ENPP6: variants seen among roughly 807,000 people sequenced by gnomAD.
The protein encoded by ENPP6 is glycerophosphocholine cholinephosphodiesterase ENPP6.
A neutral mutation model predicts 42.0 loss-of-function variants in ENPP6; 32 were observed. The observed-to-expected ratio is 0.76, with a 90% CI of 0.58 to 1.02. ENPP6 has a LOEUF of 1.02. Among genes scored for constraint, ENPP6 ranks in the 50% least tolerant of loss-of-function variants. The pLI is 0.00. For synonymous variants in ENPP6, 213 were observed against 216.0 expected (o/e 0.99, Z 0.12); for missense variants, 552 against 566.8 (o/e 0.97, Z 0.27).
intron 1 of ENPP6, among the ~76,000 whole-genome samples, chr4:184,154,736 G>C (rs1339611820): frequency 6.6e-6 from 1 of 152,120 alleles, no homozygotes; most frequent in Non-Finnish European, 1.5e-5. Context: ...CTATGCTACT[G>C]TGCTCCCAGA....
chr4:184,129,106 G>C (rs1736551695), intron 2 of ENPP6, among the ~76,000 whole-genome samples: 1 of 152,164 alleles, frequency 6.6e-6, no homozygotes, highest in Non-Finnish European at 1.5e-5. Context: ...AATCAGGAAT[G>C]CTATCATCAC....
intron 1 of ENPP6, among the ~76,000 whole-genome samples, chr4:184,187,637 G>A (rs1024615323): frequency 1.3e-5 from 2 of 152,122 alleles, no homozygotes; most frequent in Non-Finnish European, 2.9e-5. Flanking sequence ...GACCACCCTA[G>A]GTAAAATGGC....
In ENPP6 at chr4:184,117,039, T is replaced by A; in HGVS notation, c.676-4A>T. ...GGCGGTCCTGCAGGCCCCGCTCCTG[T>A]GGGGTGGGAAAAGACAGTCATTACG... is the stretch of plus-strand genomic sequence containing the variant. On this transcript the variant is annotated splice_region_variant and splice_polypyrimidine_tract_variant and intron_variant, in intron 4 of 7. Transcript: ENST00000296741. 1.2e-6 allele frequency: 2 copies of A among 1,614,016 alleles called. No individual in the cohort carries two copies. Among genetic ancestry groups the A allele is most frequent in the Non-Finnish European group, 1.7e-6 (2 of 1,179,962 alleles).
intron 1 of ENPP6, among the ~76,000 whole-genome samples, chr4:184,177,233 G>A (rs990176213): frequency 1.3e-5 from 2 of 152,236 alleles, no homozygotes; most frequent in Non-Finnish European, 2.9e-5. Flanking sequence ...GCGCAGCACA[G>A]TGGCTGTGGC....
chr4:184,121,145 A>T (rs1736410152), intron 3 of ENPP6, among the ~76,000 whole-genome samples: 1 of 152,246 alleles, frequency 6.6e-6, no homozygotes, highest in Admixed American at 6.5e-5. Context: ...CATTGACACA[A>T]TACTAGCCAA....
At chr4:184,144,303 TG>T (rs1435331610) in intron 2 of ENPP6, among the ~76,000 whole-genome samples, 1 of 152,186 alleles carries the variant, frequency 6.6e-6, no homozygotes, top group African/African-American at 2.4e-5. Flanking sequence ...GACTGTGCTC[TG>T]GGGAGTTGGG....
At chr4:184,203,053 G>A (rs1244063600) in intron 1 of ENPP6, among the ~76,000 whole-genome samples, 1 of 151,532 alleles carries the variant, frequency 6.6e-6, no homozygotes, top group African/African-American at 2.4e-5. Flanking sequence ...AGACCAGCTT[G>A]GCCAACATGG....
At chr4:184,142,513 C>T (rs905839230) in intron 2 of ENPP6, among the ~76,000 whole-genome samples, 1 of 151,880 alleles carries the variant, frequency 6.6e-6, no homozygotes. Flanking sequence ...GGCTGGGGGA[C>T]GTTTGGCGGT....
rs1735777110 is a variant in ENPP6, at chr4:184,090,894, CAG to C, written c.*281_*282del. On this transcript the variant is annotated 3_prime_UTR_variant, in exon 8 of 8. Coordinates refer to ENST00000296741, the MANE Select transcript of ENPP6 (RefSeq NM_153343.4). ...GTTGCTGCAGGAGCAGGTCCCTGCTCAGAGAGTTCATCCTGAGTAACGTGAAA... is the reference window on the plus strand; with the variant it reads ...GTTGCTGCAGGAGCAGGTCCCTGCTCAGAGTTCATCCTGAGTAACGTGAAA... 3 of 442,802 alleles carry C rather than the reference CAG, an allele frequency of 6.8e-6. No individual in the cohort carries two copies. Among genetic ancestry groups the C allele is most frequent in the African/African-American group, 6.1e-5 (3 of 49,192 alleles). The allele number at this position is 442,802 out of a possible 1,614,324, so 27.4% of individuals were successfully genotyped here.
At chr4:184,181,483 C>T (rs947508334) in intron 1 of ENPP6, among the ~76,000 whole-genome samples, 10 of 152,170 alleles carry the variant, frequency 6.6e-5, no homozygotes, top group Admixed American at 1.3e-4. Flanking sequence ...CTACCATTGA[C>T]ATTCTTCACA....
intron 3 of ENPP6, among the ~76,000 whole-genome samples, chr4:184,118,182 C>G (rs1395099045): frequency 6.6e-6 from 1 of 152,200 alleles, no homozygotes; most frequent in East Asian, 1.9e-4. Flanking sequence ...TTTGGATAAG[C>G]CTCAGCATTT....
intron 1 of ENPP6, among the ~76,000 whole-genome samples, chr4:184,170,178 C>T (rs1737438199): frequency 6.6e-6 from 1 of 152,136 alleles, no homozygotes; most frequent in African/African-American, 2.4e-5. Flanking sequence ...GCCTGTAATC[C>T]CAGCACTTTG....
chr4:184,137,621 C>T (rs1195391963), intron 2 of ENPP6, among the ~76,000 whole-genome samples: 1 of 152,184 alleles, frequency 6.6e-6, no homozygotes, highest in Admixed American at 6.5e-5. Context: ...AGTGGATTGT[C>T]AAGGATTAAG....
intron 2 of ENPP6, among the ~76,000 whole-genome samples, chr4:184,151,033 TG>T (rs1737015312): frequency 6.6e-6 from 1 of 152,226 alleles, no homozygotes; most frequent in Non-Finnish European, 1.5e-5. Flanking sequence ...TATATAAATT[TG>T]TATTCTCCAA....
intron 2 of ENPP6, among the ~76,000 whole-genome samples, chr4:184,128,639 C>A (rs1390113252): frequency 6.7e-6 from 1 of 148,558 alleles, no homozygotes; most frequent in African/African-American, 2.5e-5. Context: ...GGAAATATAA[C>A]GTGCAAAATT....
intron 2 of ENPP6, among the ~76,000 whole-genome samples, chr4:184,131,201 C>CTTTCTTTCTTTCTTTCTTTCTTTCTT (rs376993212): frequency 5.7e-5 from 4 of 70,644 alleles, no homozygotes; most frequent in African/African-American, 1.7e-4. Context: ...TTCTTTCTTT[C>CTTTCTTTCTTTCTTTCTTTCTTTCTT]TTCTTTCTTT....
At chr4:184,188,289 G>A (rs1732665251) in intron 1 of ENPP6, among the ~76,000 whole-genome samples, 1 of 151,844 alleles carries the variant, frequency 6.6e-6, no homozygotes, top group African/African-American at 2.4e-5. Flanking sequence ...AAACATCAAC[G>A]GAGGTTGGCG....
At chr4:184,144,362 T>A (rs1430344771) in intron 2 of ENPP6, among the ~76,000 whole-genome samples, 1 of 152,034 alleles carries the variant, frequency 6.6e-6, no homozygotes, top group African/African-American at 2.4e-5. Context: ...TGCCAGGCCC[T>A]CTCCAGACCT....
intron 6 of ENPP6, among the ~76,000 whole-genome samples, chr4:184,103,696 G>A (rs183478415): frequency 1.3e-5 from 2 of 152,352 alleles, no homozygotes; most frequent in East Asian, 3.9e-4. Context: ...CTGCAAAGAG[G>A]CTTCCAGCCA....
Sources: allele counts gnomAD v4.1 joint callset (sites outside exome capture counted in the v4.1 genomes callset), GRCh38; gene constraint gnomAD v4.1.1; transcripts MANE v1.5; gene names NCBI Gene and HGNC (gene_info 2026-07-23, HGNC 2026-07-21).